The following ITPRIP variants were observed in gnomAD, a reference collection of about 807,000 sequenced individuals.
ITPRIP encodes the protein inositol 1,4,5-trisphosphate receptor-interacting protein.
ITPRIP carries 32 observed loss-of-function variants against 35.8 expected under a neutral mutation model. The observed-to-expected ratio is 0.89, with a 90% confidence interval of 0.68 to 1.20. The LOEUF (loss-of-function observed/expected upper bound fraction) is 1.20. ITPRIP is among the 50% of genes most tolerant of loss of function. ITPRIP has a pLI of 0.00. For missense variants in ITPRIP, 653 were observed against 735.6 expected, an observed-to-expected ratio of 0.89 and a Z score of 1.30; for synonymous variants, 358 against 324.0, an observed-to-expected ratio of 1.11 and a Z score of -1.13.
intron 1 of ITPRIP, among the ~76,000 whole-genome samples, chr10:104,316,957 A>G (rs1386968100): frequency 1.3e-5 from 2 of 152,222 alleles, no homozygotes; most frequent in African/African-American, 4.8e-5. Flanking sequence ...GGAAAGCAAT[A>G]GTATCTCACA....
In ITPRIP at chr10:104,312,588, T is replaced by C; in HGVS notation, c.*1820A>G. ...TTCATTCCCTGGAGTGCCCCGCAACTGCGTCTAGGGAGAGGCAGGCCCAAG... is the reference window on the plus strand; with the variant it reads ...TTCATTCCCTGGAGTGCCCCGCAACCGCGTCTAGGGAGAGGCAGGCCCAAG... On this transcript the variant is annotated 3_prime_UTR_variant, in exon 2 of 2. Transcript: ENST00000337478. 2.0e-6 allele frequency: 2 copies of C among 983,830 alleles called. No homozygotes were observed. The highest frequency in any genetic ancestry group is 2.4e-6 in the Non-Finnish European group (2 of 828,416). 60.9% of individuals were successfully genotyped at this position (983,830 alleles called of 1,614,324 possible).
intron 1 of ITPRIP, among the ~76,000 whole-genome samples, chr10:104,321,703 C>CTTTTT (rs111255254): frequency 4.4e-4 from 60 of 137,298 alleles, no homozygotes; most frequent in East Asian, 1.0e-3. Context: ...CTTTTCTTTT[C>CTTTTT]TTTTTTTTTT....
In ITPRIP at chr10:104,312,921, G is replaced by A. The variant is rs924762806; in HGVS notation, c.*1487C>T. 13 of 985,422 alleles carry A rather than the reference G, an allele frequency of 1.3e-5. No individual in the cohort carries two copies. The highest frequency in any genetic ancestry group is 1.1e-4 in the East Asian group (1 of 8,818). 61.0% of individuals were successfully genotyped at this position (985,422 alleles called of 1,614,324 possible). A position where few individuals can be genotyped will look rare whatever the true frequency, so the allele number is the denominator to read the frequency against. ...CCCCTGCAAGGGTAACTGAAGTAAC[G>A]GTGAGATAGGAAATCTCAAAGGGCC... On this transcript the variant is annotated 3_prime_UTR_variant, in exon 2 of 2. Transcript: ENST00000337478.
At chr10:104,334,765 A>G (rs2014207424) in intron 1 of ITPRIP, among the ~76,000 whole-genome samples, 1 of 151,958 alleles carries the variant, frequency 6.6e-6, no homozygotes, top group Non-Finnish European at 1.5e-5. Context: ...ACTGTCCCCC[A>G]CCCTCACCCC....
At chr10:104,320,378 GATA>G (rs2135188297) in intron 1 of ITPRIP, among the ~76,000 whole-genome samples, 2 of 152,200 alleles carry the variant, frequency 1.3e-5, no homozygotes, top group Non-Finnish European at 2.9e-5. Context: ...CAGGTCTTTA[GATA>G]ATAACTTAAC....
In ITPRIP at chr10:104,314,695, G is replaced by T. The variant is rs766283024; in HGVS notation, c.1357C>A (p.Gln453Lys). Residue 453 changes from glutamine to lysine, a missense_variant, in exon 2 of 2, where the codon CAG becomes AAG. By Grantham distance (53) the Gln-to-Lys change is moderately conservative. Transcript: ENST00000337478. ...LRQAADWKAG[Q>K]LDARLHELLC... ...AACTCGTGCAGACGAGCGTCCAGCT[G>T]CCCCGCCTTCCAGTCGGCGGCCTGC... is the stretch of plus-strand genomic sequence containing the variant. 6.2e-7 allele frequency: 1 copy of T among 1,613,758 alleles called. No homozygotes were observed. The highest frequency in any genetic ancestry group is 8.5e-7 in the Non-Finnish European group (1 of 1,179,864).
Position 104,314,281 on chromosome 10 carries a change from C to A in ITPRIP, c.*127G>T. On this transcript the variant is annotated 3_prime_UTR_variant, in exon 2 of 2. Transcript: ENST00000337478. ...TGCACTGTAGGGCTTGGCTTCCTGG[C>A]AGGCTGAGCACGGCTCCCACGAAAG... The A allele has an allele frequency of 3.3e-6, 5 of 1,503,028 alleles. No homozygotes were observed. The highest frequency in any genetic ancestry group is 4.4e-6 in the Non-Finnish European group (5 of 1,129,456). The allele number at this position is 1,503,028 out of a possible 1,614,324, so 93.1% of individuals were successfully genotyped here.
At chr10:104,331,428 CT>C (rs1399919374) in intron 1 of ITPRIP, among the ~76,000 whole-genome samples, 4 of 152,182 alleles carry the variant, frequency 2.6e-5, no homozygotes, top group Non-Finnish European at 5.9e-5. Context: ...TGGTTTTGCA[CT>C]AGCGGGCAGG....
rs980807515 is a variant in ITPRIP, at chr10:104,328,019, C to A, written c.-14+10227G>T. Among the ~76,000 whole-genome samples the A allele has an allele frequency of 6.6e-6, 1 of 152,158 alleles. No individual in the cohort carries two copies. The highest frequency in any genetic ancestry group is 2.1e-4 in the South Asian group (1 of 4,826). On this transcript the variant is annotated intron_variant, in intron 1 of 1. Transcript: ENST00000337478. The surrounding 1 kb of genome is among the most constrained non-coding windows in gnomAD (Gnocchi z 4.1). ...CCCCAGAGCAACTGGCATAGACCTG[C>A]GCTCCGTGCTAAGGACACACACTAT...
chr10:104,337,864 C>T (rs1307049807), intron 1 of ITPRIP, among the ~76,000 whole-genome samples: 2 of 152,184 alleles, frequency 1.3e-5, no homozygotes, highest in Non-Finnish European at 2.9e-5. Flanking sequence ...TCTTCGGTAG[C>T]GCTCTGCTCA....
In ITPRIP at chr10:104,309,800, A is replaced by G. The variant is rs2135167378; in HGVS notation, c.*4608T>C. 1 of 152,326 alleles carries G rather than the reference A, an allele frequency of 6.6e-6. No individual in the cohort carries two copies. Among genetic ancestry groups the G allele is most frequent in the Non-Finnish European group, 1.5e-5 (1 of 68,028 alleles). 9.4% of individuals were successfully genotyped at this position (152,326 alleles called of 1,614,324 possible). ...AAAAATTTTGGAAGGATACACCAAA[A>G]ACTTCATATTGGTTATCTCTGGGGA... On this transcript the variant is annotated 3_prime_UTR_variant, in exon 2 of 2. Transcript: ENST00000337478.
chr10:104,315,928 G>A lies in ITPRIP; in HGVS notation c.124C>T (p.Gln42Ter), dbSNP rs906246957. 6.2e-7 allele frequency: 1 copy of A among 1,613,926 alleles called. No individual in the cohort carries two copies. Among genetic ancestry groups the A allele is most frequent in the South Asian group, 1.1e-5 (1 of 91,078 alleles). Reference protein sequence around the residue: ...ENEEEIIRKMQAHQEKLQLEQ... With the variant: ...ENEEEIIRKM ...AGCTGCAGCTTCTCCTGGTGCGCCT[G>A]CATCTTGCGGATGATCTCCTCCTCG... The change falls in exon 2 of 2, where the codon CAG (glutamine) becomes TAG (stop). Residue 42 changes from glutamine (Q) to a stop codon, truncating the protein, a stop_gained. Coordinates refer to ENST00000337478, the MANE Select transcript of ITPRIP (RefSeq NM_001272013.2). LOFTEE classifies it high-confidence loss of function. This position sits in a 1 kb window ranked among gnomAD's most constrained non-coding sequence, Gnocchi z 5.7.
intron 1 of ITPRIP, among the ~76,000 whole-genome samples, chr10:104,324,347 T>C (rs1190430154): frequency 6.6e-6 from 1 of 151,702 alleles, no homozygotes; most frequent in African/African-American, 2.4e-5. Context: ...GAGGGGCAGG[T>C]GAGCAGACTG....
chr10:104,315,597 C>T lies in ITPRIP; in HGVS notation c.455G>A (p.Gly152Glu), dbSNP rs1247559942. The T allele has an allele frequency of 6.2e-7, 1 of 1,613,480 alleles. No individual in the cohort carries two copies. Among genetic ancestry groups the T allele is most frequent in the Non-Finnish European group, 8.5e-7 (1 of 1,180,004 alleles). ...GGTACGGGCTGCATCGGCCGTGGCC[C>T]CCCGGATGCAGCGCTCATAAAAGTG... is the stretch of plus-strand genomic sequence containing the variant. Reference protein sequence around the residue: ...LGHFYERCIRGATADAARTRE... With the variant: ...LGHFYERCIREATADAARTRE... Residue 152 changes from glycine (G) to glutamate (E), a missense_variant, in exon 2 of 2, where the codon GGG (glycine) becomes GAG (glutamate). By Grantham distance (98) the Gly-to-Glu change is moderately conservative. Coordinates refer to ENST00000337478, the MANE Select transcript of ITPRIP (RefSeq NM_001272013.2). The surrounding 1 kb of genome is among the most constrained non-coding windows in gnomAD (Gnocchi z 5.7).
intron 1 of ITPRIP, among the ~76,000 whole-genome samples, chr10:104,319,491 A>G (rs1241097628): frequency 1.3e-5 from 2 of 152,142 alleles, no homozygotes; most frequent in African/African-American, 4.8e-5. Flanking sequence ...AAGGCTTCAG[A>G]GCCTGGGATC....
In ITPRIP at chr10:104,315,364, C is replaced by T. The variant is rs531025631; in HGVS notation, c.688G>A (p.Gly230Ser). The change falls in exon 2 of 2, where the codon GGC (glycine) becomes AGC (serine). Residue 230 changes from glycine (G) to serine (S), a missense_variant. Gly to Ser is a moderately conservative substitution (Grantham distance 56). Transcript: ENST00000337478. This position sits in a 1 kb window ranked among gnomAD's most constrained non-coding sequence, Gnocchi z 5.7. ...TGGCGATCCAGGGGCACTGAGCGGC[C>T]GGAGCACCAGAGCTCTGGGTGGAAG... ...YRFHPELWCS[G>S]RSVPLDRQGY... The T allele has an allele frequency of 7.7e-6, 12 of 1,561,804 alleles. No individual in the cohort carries two copies. The highest frequency in any genetic ancestry group is 5.4e-5 in the African/African-American group (4 of 73,940).
chr10:104,321,951 G>A (rs1451616878), intron 1 of ITPRIP, among the ~76,000 whole-genome samples: 1 of 152,152 alleles, frequency 6.6e-6, no homozygotes, highest in Non-Finnish European at 1.5e-5. Flanking sequence ...TTCAGGGCCT[G>A]CAGTGATGAG....
intron 1 of ITPRIP, among the ~76,000 whole-genome samples, chr10:104,329,566 T>C (rs1564866662): frequency 6.6e-6 from 1 of 151,916 alleles, no homozygotes; most frequent in Non-Finnish European, 1.5e-5. Flanking sequence ...CAGACTGAGG[T>C]GGGCAGCAAG....
chr10:104,337,057 A>G (rs2014250779), intron 1 of ITPRIP, among the ~76,000 whole-genome samples: 1 of 152,210 alleles, frequency 6.6e-6, no homozygotes, highest in Admixed American at 6.5e-5. Flanking sequence ...TTAGCAAACA[A>G]TGAAAGCCAC....
Sources: allele counts gnomAD v4.1 joint callset (sites outside exome capture counted in the v4.1 genomes callset), GRCh38; gene constraint gnomAD v4.1.1; non-coding constraint Gnocchi (gnomAD v3.1); transcripts MANE v1.5; gene names NCBI Gene and HGNC (gene_info 2026-07-23, HGNC 2026-07-21).